Variants in INO80 observed in about 807,000 individuals in gnomAD.
INO80 encodes chromatin-remodeling ATPase INO80.
A neutral mutation model predicts 203.4 loss-of-function variants in INO80; 20 were observed. The ratio of observed to expected loss-of-function variants is 0.10; its 90% CI spans 0.07 to 0.14. The LOEUF is 0.14. Among genes scored for constraint, INO80 ranks in the 10% least tolerant of loss-of-function variants. INO80 has a pLI of 1.00. For synonymous variants in INO80, 726 were observed against 685.2 expected, an observed-to-expected ratio of 1.06 and a Z score of -0.93; for missense variants, 1,419 against 1,914.4, an observed-to-expected ratio of 0.74 and a Z score of 4.83.
intron 1 of INO80, among the ~76,000 whole-genome samples, chr15:41,104,299 T>C (rs1192433318): frequency 6.6e-6 from 1 of 151,868 alleles, no homozygotes; most frequent in Non-Finnish European, 1.5e-5. Context: ...GAAAGAACTA[T>C]TCAATATGTT....
intron 9 of INO80, among the ~76,000 whole-genome samples, chr15:41,075,471 G>A (rs548592940): frequency 3.3e-5 from 5 of 151,202 alleles, no homozygotes; most frequent in South Asian, 2.1e-4. Context: ...CGGGGGAGGC[G>A]GGGGGCAGAG....
chr15:40,997,605 C>A lies in INO80; in HGVS notation c.3498-4G>T. The A allele has an allele frequency of 6.2e-7, 1 of 1,604,058 alleles. No homozygotes were observed. The highest frequency in any genetic ancestry group is 2.2e-5 in the East Asian group (1 of 44,792). On this transcript the variant is annotated splice_polypyrimidine_tract_variant and splice_region_variant and intron_variant, in intron 28 of 35. Transcript: ENST00000648947. ...CAGGAACACAAAGATGTCATTCCTGCAGAAAAGGGAGAGATATGTTAAAGG... is the reference window on the plus strand; with the variant it reads ...CAGGAACACAAAGATGTCATTCCTGAAGAAAAGGGAGAGATATGTTAAAGG...
At chr15:41,078,878 C>A (rs796172473) in intron 9 of INO80, among the ~76,000 whole-genome samples, 4 of 152,274 alleles carry the variant, frequency 2.6e-5, no homozygotes, top group African/African-American at 9.6e-5. Flanking sequence ...TGGTGGCTCA[C>A]GCCTGTAATC....
intron 29 of INO80, among the ~76,000 whole-genome samples, chr15:40,988,577 C>G (rs759244242): frequency 4.0e-5 from 6 of 151,654 alleles, no homozygotes; most frequent in Non-Finnish European, 8.8e-5. Context: ...CAGAGCAATA[C>G]CCTGTCTCAA....
rs1287696758 is a variant in INO80 at position 41,036,104 on chromosome 15, C to T, written c.2908-8368G>A. On this transcript the variant is annotated intron_variant, in intron 24 of 35. Coordinates refer to ENST00000648947, the MANE Select transcript of INO80 (RefSeq NM_017553.3). ...CCAGGAGGCGGAAGTTGCAGTGAGC[C>T]GAGATCGCACCACTGCACTCCAGCC... is the stretch of plus-strand genomic sequence containing the variant. 2.4e-5 allele frequency among the ~76,000 whole-genome samples: 3 copies of T among 125,258 alleles called. No individual in the cohort carries two copies. The Admixed American group carries it at 3.3e-4, about 14-fold the overall frequency. The allele number at this position is 125,258 out of a possible 152,430, so 82.2% of individuals were successfully genotyped here.
intron 24 of INO80, among the ~76,000 whole-genome samples, chr15:41,042,765 C>T (rs1036259593): frequency 3.9e-5 from 6 of 152,196 alleles, no homozygotes; most frequent in African/African-American, 7.2e-5. Flanking sequence ...TGAGCCACCA[C>T]GCCCGGCTGA....
At chr15:41,058,335 G>A (rs1330588398) in intron 16 of INO80, among the ~76,000 whole-genome samples, 1 of 152,024 alleles carries the variant, frequency 6.6e-6, no homozygotes, top group South Asian at 2.1e-4. Flanking sequence ...TCAGGTACAC[G>A]ACTGATGCAG....
chr15:40,996,097 T>C (rs892999006), intron 29 of INO80, among the ~76,000 whole-genome samples: 1 of 152,168 alleles, frequency 6.6e-6, no homozygotes, highest in Non-Finnish European at 1.5e-5. Context: ...CTCTACACTC[T>C]TGCACCTCAT....
At chr15:41,043,253 AAGC>A (rs771318627) in intron 24 of INO80, among the ~76,000 whole-genome samples, 2 of 152,326 alleles carry the variant, frequency 1.3e-5, no homozygotes, top group Admixed American at 6.5e-5. Flanking sequence ...TTTGTATAAA[AAGC>A]AGAACTGATA....
intron 28 of INO80, 83 bp downstream of exon 28, chr15:41,005,510 A>AT: frequency 1.5e-6 from 1 of 666,058 alleles, no homozygotes; most frequent in Non-Finnish European, 2.6e-6. Flanking sequence ...ATGTCCTGGC[A>AT]TTTAAAAAAA....
intron 23 of INO80, among the ~76,000 whole-genome samples, chr15:41,045,892 C>A (rs2044749565): frequency 1.1e-5 from 1 of 94,702 alleles, no homozygotes; most frequent in African/African-American, 3.1e-5. Context: ...CCGAGTGAGA[C>A]TTCATCTCGG....
At position 41,112,804 on chromosome 15, in the gene INO80, A is replaced by C. The variant is rs1013382337; in HGVS notation, c.-44+3169T>G. 5.3e-5 allele frequency among the ~76,000 whole-genome samples: 8 copies of C among 151,384 alleles called. No homozygotes were observed. The South Asian group carries it at 1.5e-3, about 28-fold the overall frequency. On this transcript the variant is annotated intron_variant, in intron 1 of 35. Transcript: ENST00000648947. ...TCCATCTCAAAAAAAAAAAAAAAAA[A>C]AAAAAAAAACTTTTCAACTGTTTTC... is the stretch of plus-strand genomic sequence containing the variant.
chr15:41,000,914 T>C lies in INO80; in HGVS notation c.3498-3313A>G, dbSNP rs532351298. Reference sequence around the variant, plus strand: ...TACAATGGTTTCTTTTGGATATCAATTATGTATTGAAAAGATGCCTTGTGA... The same window carrying C: ...TACAATGGTTTCTTTTGGATATCAACTATGTATTGAAAAGATGCCTTGTGA... On this transcript the variant is annotated intron_variant, in intron 28 of 35. Transcript: ENST00000648947. Among the ~76,000 whole-genome samples, 122 of 152,162 alleles carry C rather than the reference T, an allele frequency of 8.0e-4. 1 individual carries two copies. Among genetic ancestry groups the C allele is most frequent in the Non-Finnish European group, 1.0e-3 (71 of 68,008 alleles).
At chr15:41,112,786 CAAAAAAAAAAAAA>C (rs893121991) in intron 1 of INO80, among the ~76,000 whole-genome samples, 2 of 19,208 alleles carry the variant, frequency 1.0e-4, no homozygotes, top group Admixed American at 7.0e-4. Flanking sequence ...GACTCCATCT[CAAAAAAAAAAAAA>C]AAAAAAAAAA....
rs147584323 is a variant in INO80 at position 41,036,966 on chromosome 15, G to T, written c.2907+7938C>A. Among the ~76,000 whole-genome samples the T allele has an allele frequency of 4.6e-5, 7 of 152,208 alleles. No homozygotes were observed. In the East Asian group the frequency reaches 1.4e-3, roughly 29 times the overall value. ...AAAAATACGAAAATTAGCCAGGTGT[G>T]GTGGCAGATGCCTGTAATCCCAGCT... On this transcript the variant is annotated intron_variant, in intron 24 of 35. Coordinates refer to ENST00000648947, the MANE Select transcript of INO80 (RefSeq NM_017553.3).
intron 12 of INO80, 104 bp downstream of exon 12, chr15:41,071,745 G>A (rs2045321341): frequency 2.9e-6 from 3 of 1,045,672 alleles, no homozygotes; most frequent in Non-Finnish European, 4.2e-6. Flanking sequence ...GCAGGCATGA[G>A]CCACCGCGCT....
chr15:41,070,658 AG>A, intron 12 of INO80, 111 bp from the exon 13 acceptor site: 2 of 839,292 alleles, frequency 2.4e-6, no homozygotes, highest in Non-Finnish European at 4.0e-6. Context: ...AGAAGTGACC[AG>A]AGATACTCAG....
At chr15:41,024,484 C>T (rs1317829619) in intron 25 of INO80, 3 of 152,198 alleles carry the variant, frequency 2.0e-5, no homozygotes, top group Admixed American at 6.5e-5. Context: ...CCTCGTCCTA[C>T]AGGAGCTAAC....
rs575756145 is a variant in INO80 at position 41,085,517 on chromosome 15, C to T, written c.725G>A (p.Arg242His). The change falls in exon 7 of 36, where the codon CGT becomes CAT. Residue 242 changes from arginine (R) to histidine (H), a missense_variant. Arg to His is a conservative substitution (Grantham distance 29). Coordinates refer to ENST00000648947, the MANE Select transcript of INO80 (RefSeq NM_017553.3). ...GACTTTGGTCTGGTGGTGATGGCGACGAGGGGATTCTTCAGAGGAAAGTTC... is the reference window on the plus strand; with the variant it reads ...GACTTTGGTCTGGTGGTGATGGCGATGAGGGGATTCTTCAGAGGAAAGTTC... ...DEELSSEESPRRHHHQTKVFA... is the reference protein window; with the variant it reads ...DEELSSEESPHRHHHQTKVFA... 4.6e-5 allele frequency: 75 copies of T among 1,614,116 alleles called. No individual in the cohort carries two copies. Among genetic ancestry groups the T allele is most frequent in the East Asian group, 3.1e-4 (14 of 44,882 alleles).
Sources: gnomAD v4.1 joint callset for allele counts (sites outside exome capture counted in the v4.1 genomes callset) on GRCh38, gnomAD v4.1.1 for gene constraint, MANE v1.5 for transcripts, NCBI Gene and HGNC (gene_info 2026-07-23, HGNC 2026-07-21) for gene names.